The following TEAD1 variants were observed in gnomAD, a reference collection of about 807,000 sequenced individuals.
TEAD1 encodes transcriptional enhancer factor TEF-1.
TEAD1 carries 9 observed loss-of-function variants against 54.9 expected under a neutral mutation model. The observed-to-expected ratio is 0.16, with a 90% CI of 0.10 to 0.29. The LOEUF (loss-of-function observed/expected upper bound fraction) is 0.29. Ranked by LOEUF, TEAD1 falls within the 10% of genes least tolerant of loss-of-function variation. TEAD1 has a pLI of 1.00. For synonymous variants in TEAD1, 200 were observed against 187.8 expected (o/e 1.07, Z -0.53); for missense variants, 387 against 535.9 (o/e 0.72, Z 2.74).
chr11:12,800,978 A>G (rs1181495803), intron 3 of TEAD1, among the ~76,000 whole-genome samples: 3 of 152,216 alleles, frequency 2.0e-5, no homozygotes, highest in East Asian at 1.9e-4. Context: ...TGTTGAATGC[A>G]TGGATGGATG....
chr11:12,770,338 A>G (rs1339146664), intron 3 of TEAD1, among the ~76,000 whole-genome samples: 2 of 152,212 alleles, frequency 1.3e-5, no homozygotes, highest in Non-Finnish European at 2.9e-5. Context: ...TAAGGGAGGT[A>G]GAAGGAAAAG....
chr11:12,743,577 A>T (rs776450513), intron 2 of TEAD1, among the ~76,000 whole-genome samples: 1 of 152,220 alleles, frequency 6.6e-6, no homozygotes, highest in African/African-American at 2.4e-5. Context: ...TAGCAGAAAC[A>T]GCCCCCTGCT....
At chr11:12,794,839 T>A (rs1300811987) in intron 3 of TEAD1, among the ~76,000 whole-genome samples, 1 of 152,204 alleles carries the variant, frequency 6.6e-6, no homozygotes, top group Non-Finnish European at 1.5e-5. Context: ...GCAGCTACTT[T>A]TCCTTTAAGG....
At chr11:12,709,449 A>C (rs1039616254) in intron 2 of TEAD1, among the ~76,000 whole-genome samples, 1 of 151,828 alleles carries the variant, frequency 6.6e-6, no homozygotes. Flanking sequence ...TATGTTGCTC[A>C]GGTTACACTT....
chr11:12,839,875 C>A (rs1946987926), intron 3 of TEAD1, among the ~76,000 whole-genome samples: 1 of 152,094 alleles, frequency 6.6e-6, no homozygotes, highest in Admixed American at 6.5e-5. Context: ...AAGAAAGATC[C>A]TTCTGGTTGT....
intron 3 of TEAD1, among the ~76,000 whole-genome samples, chr11:12,838,950 G>A (rs187563592): frequency 3.3e-5 from 5 of 152,246 alleles, no homozygotes; most frequent in East Asian, 3.9e-4. Flanking sequence ...AATCTGTGCC[G>A]CTCAAACTGG....
intron 9 of TEAD1, among the ~76,000 whole-genome samples, chr11:12,895,200 C>CCG (rs143977899): frequency 3.3e-5 from 4 of 122,272 alleles, no homozygotes; most frequent in South Asian, 3.5e-4. Flanking sequence ...CCTTTATTAA[C>CCG]CCCCCCCGGG....
At position 12,760,112 on chromosome 11, in the gene TEAD1, A is replaced by T. The variant is rs7114040; in HGVS notation, c.-54-4067A>T. On this transcript the variant is annotated intron_variant, in intron 2 of 12. Transcript: ENST00000527636. ...GTAAATCAGTTTCCCAAAGTAAACC[A>T]TTAGAGGAAGCTCTCTCATTTCTTC... 6.8e-3 allele frequency among the ~76,000 whole-genome samples: 1,029 copies of T among 152,094 alleles called. 16 individuals carry two copies. The highest frequency in any genetic ancestry group is 0.024 in the African/African-American group (991 of 41,502).
chr11:12,914,118 A>G (rs554494099), intron 10 of TEAD1, among the ~76,000 whole-genome samples: 1 of 152,322 alleles, frequency 6.6e-6, no homozygotes, highest in Non-Finnish European at 1.5e-5. Context: ...TGTGTGGGTG[A>G]TATTAATTGA....
chr11:12,749,976 A>C (rs981920491), intron 2 of TEAD1, among the ~76,000 whole-genome samples: 1 of 152,096 alleles, frequency 6.6e-6, no homozygotes, highest in African/African-American at 2.4e-5. Context: ...TCAATGTGAG[A>C]GACCTGTTTT....
At chr11:12,880,898 G>C in intron 6 of TEAD1, 107 bp from the exon 7 acceptor site, 1 of 1,248,996 alleles carries the variant, frequency 8.0e-7, no homozygotes, top group Admixed American at 1.7e-5. Flanking sequence ...GATTCTGTTG[G>C]GTGATCGAAC....
intron 3 of TEAD1, among the ~76,000 whole-genome samples, chr11:12,768,951 C>A (rs979096345): frequency 6.6e-6 from 1 of 152,122 alleles, no homozygotes; most frequent in Non-Finnish European, 1.5e-5. Flanking sequence ...AAGAAATCAT[C>A]TCAAATAACA....
intron 9 of TEAD1, among the ~76,000 whole-genome samples, chr11:12,897,301 CACTTCCCTTAT>C (rs771778979): frequency 5.3e-5 from 8 of 152,186 alleles, no homozygotes; most frequent in Admixed American, 6.5e-5. Context: ...CACCTTGGCC[CACTTCCCTTAT>C]AAGGAGAACT....
At chr11:12,888,935 T>C (rs1948143621) in intron 9 of TEAD1, among the ~76,000 whole-genome samples, 1 of 152,106 alleles carries the variant, frequency 6.6e-6, no homozygotes, top group Non-Finnish European at 1.5e-5. Flanking sequence ...GGAGAATAAT[T>C]AGGGGGATGA....
chr11:12,718,592 T>G lies in TEAD1; in HGVS notation c.-55+43031T>G, dbSNP rs530923315. ...TTCGATGTACCGTTGCTTTTTTTTT[T>G]GGGTGAAATTATTGATGTAATTCAA... On this transcript the variant is annotated intron_variant, in intron 2 of 12. Transcript: ENST00000527636. Among the ~76,000 whole-genome samples, 304 of 152,292 alleles carry G rather than the reference T, an allele frequency of 2.0e-3. 1 individual carries two copies. Among genetic ancestry groups the G allele is most frequent in the African/African-American group, 6.5e-3 (270 of 41,542 alleles).
At chr11:12,735,991 A>C (rs755264147) in intron 2 of TEAD1, among the ~76,000 whole-genome samples, 1 of 152,230 alleles carries the variant, frequency 6.6e-6, no homozygotes, top group Non-Finnish European at 1.5e-5. Context: ...GAACTAGTAC[A>C]TAATAGGCCA....
intron 3 of TEAD1, among the ~76,000 whole-genome samples, chr11:12,774,938 G>A (rs1207820503): frequency 6.6e-6 from 1 of 151,906 alleles, no homozygotes; most frequent in Non-Finnish European, 1.5e-5. Flanking sequence ...TAATACCTGG[G>A]CAACAAAATA....
chr11:12,817,606 T>C lies in TEAD1; in HGVS notation c.203-44644T>C, dbSNP rs534661588. The stretch of plus-strand genomic sequence containing the variant: ...ATCTTGATGCCCCCCAAATGAATTA[T>C]GAAAAGCTTTTCATAGTAATATAAT... On this transcript the variant is annotated intron_variant, in intron 3 of 12. Transcript: ENST00000527636. Among the ~76,000 whole-genome samples, 4 of 152,318 alleles carry C rather than the reference T, an allele frequency of 2.6e-5. No homozygotes were observed. In the East Asian group the frequency reaches 7.7e-4, roughly 29 times the overall value.
At chr11:12,694,835 T>A (rs1003380690) in intron 2 of TEAD1, among the ~76,000 whole-genome samples, 1 of 151,932 alleles carries the variant, frequency 6.6e-6, no homozygotes, top group Non-Finnish European at 1.5e-5. Flanking sequence ...TTATATGGAG[T>A]CATTGGAAGT....
Sources: allele counts gnomAD v4.1 joint callset (sites outside exome capture counted in the v4.1 genomes callset), GRCh38; gene constraint gnomAD v4.1.1; transcripts MANE v1.5; gene names NCBI Gene and HGNC (gene_info 2026-07-23, HGNC 2026-07-21).